The following PRDM1 variants were observed in gnomAD, a reference collection of about 807,000 sequenced individuals.
PRDM1 encodes the protein PR/SET domain 1.
In PRDM1, 13 loss-of-function variants were observed where a neutral mutation model predicts 62.8. That is an observed-to-expected ratio of 0.21 (90% CI 0.13 to 0.33). The LOEUF (loss-of-function observed/expected upper bound fraction) is 0.33, where lower values mean the gene tolerates loss of function less well. PRDM1 is among the 10% of genes least tolerant of loss of function. The pLI, the probability that PRDM1 is intolerant of heterozygous loss-of-function variation, is 1.00. For synonymous variants in PRDM1, 396 were observed against 417.6 expected, an observed-to-expected ratio of 0.95 and a Z score of 0.63; for missense variants, 895 against 1,058.8, an observed-to-expected ratio of 0.85 and a Z score of 2.15.
intron 1 of PRDM1, among the ~76,000 whole-genome samples, chr6:106,018,724 TTCATCACA>T (rs912042458): frequency 1.3e-5 from 2 of 152,156 alleles, no homozygotes; most frequent in African/African-American, 4.8e-5. Context: ...AAAGTGCTAT[TTCATCACA>T]TCATATCAAA....
chr6:106,103,265 C>G (rs1024866639), intron 4 of PRDM1, among the ~76,000 whole-genome samples: 1 of 152,148 alleles, frequency 6.6e-6, no homozygotes, highest in Non-Finnish European at 1.5e-5. Context: ...AATCGAATCC[C>G]TCAAGCCAGT....
At chr6:106,081,957 G>A (rs1451414383), upstream of PRDM1, among the ~76,000 whole-genome samples, 1 of 151,992 alleles carries the variant, frequency 6.6e-6, no homozygotes, top group Non-Finnish European at 1.5e-5. Flanking sequence ...TCTTATTCTT[G>A]GCGACCTTCC....
At chr6:106,038,834 C>T (rs1043254146) in intron 1 of PRDM1, among the ~76,000 whole-genome samples, 1 of 152,246 alleles carries the variant, frequency 6.6e-6, no homozygotes, top group East Asian at 1.9e-4. Flanking sequence ...CAAGCCTTCC[C>T]CTAGAGGTTG....
chr6:106,011,008 C>T (rs1772538561), intron 1 of PRDM1, among the ~76,000 whole-genome samples: 1 of 152,184 alleles, frequency 6.6e-6, no homozygotes, highest in African/African-American at 2.4e-5. Flanking sequence ...CAGGACCAGC[C>T]TGCAGAGTCC....
rs1261004652 is a variant in PRDM1, at chr6:106,105,793, G to A, written c.1633G>A (p.Glu545Lys). Residue 545 changes from glutamate to lysine, a missense_variant, in exon 5 of 7, where the codon GAA becomes AAA. Glu to Lys is a moderately conservative substitution (Grantham distance 56). Coordinates refer to ENST00000369096, the MANE Select transcript of PRDM1 (RefSeq NM_001198.4). The part of the protein sequence containing the change: ...SAAMAAPSSD[E>K]AMNLIKNKRN... ...AGCGATGGCAGCCCCCAGCAGCGAC[G>A]AAGCCATGAATCTCATTAAAAACAA... The A allele has an allele frequency of 8.1e-6, 13 of 1,614,068 alleles. No homozygotes were observed. The highest frequency in any genetic ancestry group is 2.2e-5 in the South Asian group (2 of 91,092).
chr6:106,071,498 T>C (rs73772578), intron 1 of PRDM1, among the ~76,000 whole-genome samples: 4,866 of 152,254 alleles, frequency 0.032, 274 homozygotes, highest in African/African-American at 0.11. Context: ...GCATTGATTT[T>C]CTGGTACTGG....
chr6:106,053,470 ACC>A (rs1228531211), intron 1 of PRDM1, among the ~76,000 whole-genome samples: 1 of 151,854 alleles, frequency 6.6e-6, no homozygotes. Flanking sequence ...CACAGTTGAG[ACC>A]CCAATTTAGA....
At chr6:106,018,412 T>C (rs1772651647) in intron 1 of PRDM1, among the ~76,000 whole-genome samples, 2 of 152,222 alleles carry the variant, frequency 1.3e-5, no homozygotes, top group South Asian at 4.1e-4. Context: ...AATGAACCAA[T>C]GTTGATGTGT....
intron 1 of PRDM1, among the ~76,000 whole-genome samples, chr6:106,063,437 A>C (rs1440542651): frequency 6.6e-6 from 1 of 152,168 alleles, no homozygotes; most frequent in Non-Finnish European, 1.5e-5. Flanking sequence ...TGTCAGGCTA[A>C]GTTTTCTCCT....
chr6:106,012,194 TACC>T (rs1352156965), intron 1 of PRDM1, among the ~76,000 whole-genome samples: 1 of 78,182 alleles, frequency 1.3e-5, no homozygotes, highest in Non-Finnish European at 2.5e-5. Flanking sequence ...CACACAAACA[TACC>T]ACACACACCA....
At chr6:106,031,467 A>G (rs1772843398) in intron 1 of PRDM1, among the ~76,000 whole-genome samples, 1 of 152,112 alleles carries the variant, frequency 6.6e-6, no homozygotes, top group South Asian at 2.1e-4. Flanking sequence ...AAAAATGAGG[A>G]TGTTGGGGAA....
At chr6:105,998,519 C>T (rs1772378499) in intron 1 of PRDM1, among the ~76,000 whole-genome samples, 1 of 152,202 alleles carries the variant, frequency 6.6e-6, no homozygotes, top group Non-Finnish European at 1.5e-5. Context: ...GAAGTTTATA[C>T]TGTAAATAAA....
chr6:106,105,991 TA>T (rs1297491359), intron 5 of PRDM1, 58 bp downstream of exon 5: 24 of 1,551,916 alleles, frequency 1.5e-5, no homozygotes, highest in Non-Finnish European at 2.1e-5. Flanking sequence ...TGTTTGTATT[TA>T]GCTTGCTTTC....
At position 106,108,689 on chromosome 6, in the gene PRDM1, T is replaced by C. The variant is rs750131588; in HGVS notation, c.*1203T>C. The C allele has an allele frequency of 1.7e-5, 4 of 232,452 alleles. No homozygotes were observed. The highest frequency in any genetic ancestry group is 3.4e-5 in the Non-Finnish European group (4 of 117,998). 14.4% of individuals were successfully genotyped at this position (232,452 alleles called of 1,614,324 possible). On this transcript the variant is annotated 3_prime_UTR_variant, in exon 7 of 7. Coordinates refer to ENST00000369096, the MANE Select transcript of PRDM1 (RefSeq NM_001198.4). The stretch of plus-strand genomic sequence containing the variant: ...TAAAAGCGGGTAATGAACATTCCTA[T>C]CCCCAACACATCAATTGTATTTTTT...
chr6:106,053,373 ATGT>A (rs2114585858), intron 1 of PRDM1, among the ~76,000 whole-genome samples: 1 of 152,342 alleles, frequency 6.6e-6, no homozygotes, highest in South Asian at 2.1e-4. Context: ...GCAACCAGAA[ATGT>A]TGTCATAAGT....
intron 2 of PRDM1, among the ~76,000 whole-genome samples, chr6:106,090,293 T>G (rs543413202): frequency 1.8e-4 from 28 of 152,344 alleles, no homozygotes; most frequent in Admixed American, 7.2e-4. Context: ...TTCAATATAT[T>G]AAGCAACCAA....
chr6:106,048,264 A>G (rs988924117), upstream of PRDM1, among the ~76,000 whole-genome samples: 1 of 151,046 alleles, frequency 6.6e-6, no homozygotes, highest in Non-Finnish European at 1.5e-5. Flanking sequence ...GTGCATACTC[A>G]TAGTCCTAGC....
intron 1 of PRDM1, among the ~76,000 whole-genome samples, chr6:106,042,989 T>C (rs145230537): frequency 3.7e-4 from 56 of 152,296 alleles, no homozygotes; most frequent in African/African-American, 1.2e-3. Flanking sequence ...TAGCTGGGAT[T>C]ATAGGCATGT....
upstream of PRDM1, among the ~76,000 whole-genome samples, chr6:106,082,505 A>C (rs909770030): frequency 4.6e-5 from 7 of 152,230 alleles, no homozygotes; most frequent in African/African-American, 1.7e-4. Context: ...TTAGATGAGA[A>C]TACAACTGTC....
Sources: gnomAD v4.1 joint callset for allele counts (sites outside exome capture counted in the v4.1 genomes callset) on GRCh38, gnomAD v4.1.1 for gene constraint, MANE v1.5 for transcripts, NCBI Gene and HGNC (gene_info 2026-07-23, HGNC 2026-07-21) for gene names.